The following PKHD1L1 variants were observed in gnomAD, a reference collection of about 807,000 sequenced individuals.
PKHD1L1 encodes PKHD1 like 1, also known as fibrocystin-L.
A neutral mutation model predicts 462.9 loss-of-function variants in PKHD1L1; 434 were observed. The ratio of observed to expected loss-of-function variants is 0.94; its 90% CI spans 0.87 to 1.02. The LOEUF (loss-of-function observed/expected upper bound fraction) is 1.02, where lower values mean the gene tolerates loss of function less well. Among genes scored for constraint, PKHD1L1 ranks in the 50% least tolerant of loss-of-function variants. The pLI, the probability that PKHD1L1 is intolerant of heterozygous loss-of-function variation, is 0.00. For synonymous variants in PKHD1L1, 1,781 were observed against 1,750.0 expected, an observed-to-expected ratio of 1.02 and a Z score of -0.44; for missense variants, 5,202 against 5,096.1, an observed-to-expected ratio of 1.02 and a Z score of -0.63.
chr8:109,387,999 G>T (rs1447321495), intron 6 of PKHD1L1, among the ~76,000 whole-genome samples: 3 of 152,072 alleles, frequency 2.0e-5, no homozygotes, highest in East Asian at 1.9e-4. Context: ...GCTCTTCTCA[G>T]CTTCTTATTT....
In PKHD1L1 at chr8:109,535,129, AG is replaced by A. The variant is rs1821119497; in HGVS notation, c.*5040del. Among the ~76,000 whole-genome samples, 2 of 152,302 alleles carry A rather than the reference AG, an allele frequency of 1.3e-5. No homozygotes were observed. The highest frequency in any genetic ancestry group is 4.1e-4 in the South Asian group (2 of 4,830). On this transcript the variant is annotated 3_prime_UTR_variant, in exon 78 of 78. Coordinates refer to ENST00000378402, the MANE Select transcript of PKHD1L1 (RefSeq NM_177531.6). ...TTACAGCCTTAATGTTTGAAGTAGC[AG>A]TGTATAAAATTCACACCCAGTTATA...
Position 109,475,152 on chromosome 8 carries a change from G to A in PKHD1L1, c.8640G>A (p.Leu2880=). 2 of 1,610,864 alleles carry A rather than the reference G, an allele frequency of 1.2e-6. No individual in the cohort carries two copies. The highest frequency in any genetic ancestry group is 1.7e-6 in the Non-Finnish European group (2 of 1,178,578). The stretch of plus-strand genomic sequence containing the variant: ...TTATTCCATTTCAGAAGAAACGACT[G>A]ACTCATATGTCTGGATGGATGGCTC... The part of the protein sequence containing the change: ...TSIIPFQKKR[L]THMSGWMALI... The change falls in exon 51 of 78, where the codon CTG becomes CTA. Residue 2880 remains leucine (L), a synonymous_variant. Coordinates refer to ENST00000378402, the MANE Select transcript of PKHD1L1 (RefSeq NM_177531.6).
intron 43 of PKHD1L1, among the ~76,000 whole-genome samples, 178 bp from the exon 44 acceptor site, chr8:109,453,989 T>C (rs1411243414): frequency 6.6e-6 from 1 of 152,154 alleles, no homozygotes; most frequent in Non-Finnish European, 1.5e-5. Context: ...TATGCTTTTA[T>C]GTTGCCAAAG....
At chr8:109,373,039 T>G (rs1811601327) in intron 2 of PKHD1L1, among the ~76,000 whole-genome samples, 1 of 152,236 alleles carries the variant, frequency 6.6e-6, no homozygotes, top group African/African-American at 2.4e-5. Context: ...TAGGGATGAT[T>G]CCCTCTTTTT....
chr8:109,428,768 GTCCC>G (rs1814918163), intron 25 of PKHD1L1, among the ~76,000 whole-genome samples: 2 of 152,144 alleles, frequency 1.3e-5, no homozygotes, highest in Admixed American at 1.3e-4. Flanking sequence ...CTCTTTGCTA[GTCCC>G]TGAATACATC....
intron 76 of PKHD1L1, 27 bp downstream of exon 76, chr8:109,523,413 A>G (rs772200963): frequency 6.4e-7 from 1 of 1,567,852 alleles, no homozygotes; most frequent in Non-Finnish European, 8.7e-7. Context: ...GGATCCTCAC[A>G]TATATAGCCA....
At chr8:109,528,650 A>C (rs1820934290) in intron 77 of PKHD1L1, among the ~76,000 whole-genome samples, 2 of 151,936 alleles carry the variant, frequency 1.3e-5, no homozygotes, top group South Asian at 2.1e-4. Flanking sequence ...TCTACATTTA[A>C]TTCTCCTCTC....
At chr8:109,517,457 T>C (rs937860545) in intron 72 of PKHD1L1, among the ~76,000 whole-genome samples, 1 of 152,162 alleles carries the variant, frequency 6.6e-6, no homozygotes, top group African/African-American at 2.4e-5. Context: ...TCAGTGTTTG[T>C]CTGGGCTCAA....
At chr8:109,484,721 A>G (rs1393397658) in intron 57 of PKHD1L1, among the ~76,000 whole-genome samples, 1 of 151,852 alleles carries the variant, frequency 6.6e-6, no homozygotes, top group Non-Finnish European at 1.5e-5. Flanking sequence ...TCTTAATAAT[A>G]TTGTCCTGAG....
intron 17 of PKHD1L1, 51 bp downstream of exon 17, chr8:109,406,529 G>T: frequency 6.8e-7 from 1 of 1,472,236 alleles, no homozygotes. Flanking sequence ...TGTATATCCT[G>T]TGCCACTCTA....
chr8:109,427,131 C>T lies in PKHD1L1; in HGVS notation c.2975C>T (p.Thr992Ile). 1 of 1,613,832 alleles carries T rather than the reference C, an allele frequency of 6.2e-7. No homozygotes were observed. The change falls in exon 25 of 78, where the codon ACC becomes ATC. Residue 992 changes from threonine (T) to isoleucine (I), a missense_variant. Around this residue, in one of 3 missense-constraint regions of PKHD1L1, gnomAD observed 4,497 missense variants for 4,336.8 expected, o/e 1.04. Coordinates refer to ENST00000378402, the MANE Select transcript of PKHD1L1 (RefSeq NM_177531.6). ...GYAWNIKWRS[T>I]CGKQNLLQIN... ...GCGTGGAACATCAAATGGAGAAGCA[C>T]CTGCGGAAAGCAGAATCTTCTACAG...
chr8:109,500,623 G>A lies in PKHD1L1; in HGVS notation c.10828+1852G>A, dbSNP rs184419923. On this transcript the variant is annotated intron_variant, in intron 67 of 77. Transcript: ENST00000378402. ...TGGGAGGCGGAGGTTGCAGTGAGCCGAGATCACACAACTGTACTCCAGCCT... is the reference window on the plus strand; with the variant it reads ...TGGGAGGCGGAGGTTGCAGTGAGCCAAGATCACACAACTGTACTCCAGCCT... Among the ~76,000 whole-genome samples the A allele has an allele frequency of 4.4e-3, 578 of 130,808 alleles. 2 individuals carry two copies. Among genetic ancestry groups the A allele is most frequent in the South Asian group, 0.016 (65 of 3,978 alleles). The allele number at this position is 130,808 out of a possible 152,430, so 85.8% of individuals were successfully genotyped here.
chr8:109,377,496 T>C (rs942521389), intron 2 of PKHD1L1, among the ~76,000 whole-genome samples: 1 of 152,180 alleles, frequency 6.6e-6, no homozygotes, highest in Non-Finnish European at 1.5e-5. Flanking sequence ...ATTTTCATAG[T>C]TTCAAATATA....
rs776175780 is a variant in PKHD1L1 at position 109,445,062 on chromosome 8, G to T, written c.5193G>T (p.Val1731=). 6 of 1,613,810 alleles carry T rather than the reference G, an allele frequency of 3.7e-6. No homozygotes were observed. Among genetic ancestry groups the T allele is most frequent in the Middle Eastern group, 1.6e-4 (1 of 6,062 alleles). ...LVDVDLLIHG[V]PAQCQGNCTF... is the part of the protein sequence containing the mutation. ...ATGTAGATCTTCTAATACATGGAGTGCCTGCCCAGTGCCAGGGAAACTGCA... is the reference window on the plus strand; with the variant it reads ...ATGTAGATCTTCTAATACATGGAGTTCCTGCCCAGTGCCAGGGAAACTGCA... The change falls in exon 38 of 78, where the codon GTG becomes GTT. Residue 1731 remains valine (V), a synonymous_variant. Coordinates refer to ENST00000378402, the MANE Select transcript of PKHD1L1 (RefSeq NM_177531.6).
chr8:109,520,702 ATAG>A (rs1820506074), intron 73 of PKHD1L1, among the ~76,000 whole-genome samples: 1 of 152,156 alleles, frequency 6.6e-6, no homozygotes, highest in African/African-American at 2.4e-5. Flanking sequence ...TAGCTTTTAT[ATAG>A]TATCAGGATA....
At position 109,515,284 on chromosome 8, in the gene PKHD1L1, C is replaced by T; in HGVS notation, c.11668C>T (p.Leu3890Phe). 1.3e-6 allele frequency: 2 copies of T among 1,597,768 alleles called. No homozygotes were observed. Among genetic ancestry groups the T allele is most frequent in the Non-Finnish European group, 1.7e-6 (2 of 1,170,564 alleles). ...GAATGCCCAGCAGAAACACTGTGAA[C>T]TTAATAACCATCTGTACAAAGGTAT... ...IWNAQQKHCE[L>F]NNHLYKDQFL... is the part of the protein sequence containing the mutation. The change falls in exon 72 of 78, where the codon CTT (leucine) becomes TTT (phenylalanine). Residue 3890 changes from leucine (L) to phenylalanine (F), a missense_variant. Coordinates refer to ENST00000378402, the MANE Select transcript of PKHD1L1 (RefSeq NM_177531.6).
chr8:109,398,364 C>G (rs1813082746), intron 11 of PKHD1L1, 95 bp from the exon 12 acceptor site: 2 of 775,312 alleles, frequency 2.6e-6, no homozygotes, highest in Admixed American at 4.4e-5. Flanking sequence ...GTTTATGCAA[C>G]TTTGTTTTAA....
At position 109,535,926 on chromosome 8, in the gene PKHD1L1, TG is replaced by T. The variant is rs1177009330; in HGVS notation, c.*5837del. ...GGAGAGAGAGGGGAAGGATTGTAAG[TG>T]TCATAGTTCTGACAGCTGCTCTTTC... is the stretch of plus-strand genomic sequence containing the variant. On this transcript the variant is annotated 3_prime_UTR_variant, in exon 78 of 78. Transcript: ENST00000378402. Among the ~76,000 whole-genome samples, 1 of 152,192 alleles carries T rather than the reference TG, an allele frequency of 6.6e-6. No homozygotes were observed. Among genetic ancestry groups the T allele is most frequent in the Non-Finnish European group, 1.5e-5 (1 of 68,034 alleles).
At chr8:109,524,908 CT>C (rs1441003713) in intron 76 of PKHD1L1, among the ~76,000 whole-genome samples, 1 of 151,362 alleles carries the variant, frequency 6.6e-6, no homozygotes, top group Non-Finnish European at 1.5e-5. Context: ...CTCCCCTCCC[CT>C]CTTCCTCTCT....
Sources: gnomAD v4.1 joint callset for allele counts (sites outside exome capture counted in the v4.1 genomes callset) on GRCh38, gnomAD v4.1.1 for gene constraint, gnomAD v4.1.1 regional missense constraint, MANE v1.5 for transcripts, NCBI Gene and HGNC (gene_info 2026-07-23, HGNC 2026-07-21) for gene names.